The following TRDN variants were observed in gnomAD, a reference collection of about 807,000 sequenced individuals.
The protein encoded by TRDN is triadin in skeletal muscle.
TRDN carries 161 observed loss-of-function variants against 149.7 expected under a neutral mutation model. The ratio of observed to expected loss-of-function variants is 1.08; its 90% CI spans 0.95 to 1.23. The LOEUF (loss-of-function observed/expected upper bound fraction) is 1.23, where lower values mean the gene tolerates loss of function less well. Ranked by LOEUF, TRDN falls within the 50% of genes most tolerant of loss-of-function variation. The probability of loss-of-function intolerance (pLI) is 0.00; values close to 1 mark genes in which losing one functional copy is unlikely to be tolerated. For synonymous variants in TRDN, 294 were observed against 250.5 expected, an observed-to-expected ratio of 1.17 and a Z score of -1.64; for missense variants, 896 against 823.5, an observed-to-expected ratio of 1.09 and a Z score of -1.08.
At chr6:123,379,072 A>G (rs1781618399) in intron 16 of TRDN, among the ~76,000 whole-genome samples, 1 of 152,182 alleles carries the variant, frequency 6.6e-6, no homozygotes, top group African/African-American at 2.4e-5. Context: ...TAACATACCC[A>G]CATTTTTATC....
intron 24 of TRDN, among the ~76,000 whole-genome samples, chr6:123,300,840 C>A (rs1404299871): frequency 1.3e-5 from 2 of 151,816 alleles, no homozygotes; most frequent in Admixed American, 6.6e-5. Context: ...AGTTTGTGTC[C>A]AGAACCATTC....
intron 38 of TRDN, among the ~76,000 whole-genome samples, chr6:123,247,515 T>C (rs1417751973): frequency 6.6e-6 from 1 of 152,012 alleles, no homozygotes; most frequent in African/African-American, 2.4e-5. Flanking sequence ...ACAAAGAGAA[T>C]AAAATATCTA....
chr6:123,486,177 A>G (rs1777961268), intron 9 of TRDN, among the ~76,000 whole-genome samples: 1 of 152,010 alleles, frequency 6.6e-6, no homozygotes, highest in African/African-American at 2.4e-5. Context: ...TTTCTGAAAG[A>G]TTTTACTCTT....
chr6:123,415,791 A>C (rs1431503925), intron 12 of TRDN, among the ~76,000 whole-genome samples: 1 of 152,184 alleles, frequency 6.6e-6, no homozygotes. Flanking sequence ...ATTCCCTACT[A>C]TGTGAACTGC....
In TRDN at chr6:123,627,402, A is replaced by AT. The variant is rs1005586317; in HGVS notation, c.22+9351dup. On this transcript the variant is annotated intron_variant, in intron 1 of 40. Transcript: ENST00000334268. The stretch of plus-strand genomic sequence containing the variant: ...CAATAAGCAGAAATACTTTGGAAGA[A>AT]TTTTTTTTTTGAGTAGTAAATCTCA... Among the ~76,000 whole-genome samples the AT allele has an allele frequency of 3.2e-3, 490 of 151,166 alleles. 1 individual carries two copies. The highest frequency in any genetic ancestry group is 8.7e-3 in the African/African-American group (360 of 41,280).
In TRDN at chr6:123,218,615, G is replaced by A. The variant is rs1414689230; in HGVS notation, c.2176C>T (p.Gln726Ter). ...SGQANSPGQK[Q>*]QGQ is the part of the protein sequence containing the mutation. ...TACATGTGTGTTTACTGTCCTTGTT[G>A]CTTCTGTCCTGGAGAATTTGCTTGA... The change falls in exon 41 of 41, where the codon CAA becomes TAA. Residue 726 changes from glutamine to a stop codon, truncating the protein, a stop_gained. Transcript: ENST00000334268. LOFTEE classifies it high-confidence loss of function. 10 of 1,611,388 alleles carry A rather than the reference G, an allele frequency of 6.2e-6. No individual in the cohort carries two copies. Among genetic ancestry groups the A allele is most frequent in the Admixed American group, 3.3e-5 (2 of 59,716 alleles).
chr6:123,381,442 G>A lies in TRDN; in HGVS notation c.1166-52C>T, dbSNP rs34907562. On this transcript the variant is annotated intron_variant, in intron 15 of 40. Transcript: ENST00000334268. ...GCTCTTAAAACTTTAAAGATAAAAC[G>A]TACTACCCTACATATTGATTAGACT... 2.6e-3 allele frequency: 3,864 copies of A among 1,492,034 alleles called. 34 individuals carry two copies. The highest frequency in any genetic ancestry group is 2.1e-3 in the Non-Finnish European group (2,356 of 1,096,594). 92.4% of individuals were successfully genotyped at this position (1,492,034 alleles called of 1,614,324 possible).
At position 123,548,535 on chromosome 6, in the gene TRDN, A is replaced by T. The variant is rs566714157; in HGVS notation, c.310T>A (p.Tyr104Asn). The T allele has an allele frequency of 4.7e-5, 74 of 1,579,162 alleles. No homozygotes were observed. In the East Asian group the frequency reaches 1.7e-3, roughly 36 times the overall value. The stretch of plus-strand genomic sequence containing the variant: ...TCAGATAACAAAGAAAAGAAGCCAT[A>T]GATCCAGTCCGTGGTTTCCTCCATA... ...DAMEETTDWIYGFFSLLSDII... is the reference protein window; with the variant it reads ...DAMEETTDWINGFFSLLSDII... Residue 104 changes from tyrosine to asparagine, a missense_variant, in exon 3 of 41, where the codon TAT (tyrosine) becomes AAT (asparagine). Transcript: ENST00000334268.
intron 4 of TRDN, among the ~76,000 whole-genome samples, chr6:123,535,333 A>G (rs1337882275): frequency 2.6e-5 from 4 of 152,100 alleles, no homozygotes; most frequent in African/African-American, 4.8e-5. Flanking sequence ...GATTTAAGAG[A>G]AGGGCAAATT....
intron 10 of TRDN, among the ~76,000 whole-genome samples, chr6:123,449,832 C>T (rs1775654227): frequency 1.3e-5 from 2 of 152,074 alleles, no homozygotes; most frequent in Non-Finnish European, 1.5e-5. Context: ...ACCAGGTAAC[C>T]TCTAAAGGAA....
At chr6:123,316,426 C>G in intron 24 of TRDN, 31 bp downstream of exon 24, 1 of 1,599,882 alleles carries the variant, frequency 6.3e-7, no homozygotes, top group Non-Finnish European at 8.6e-7. Flanking sequence ...AGAACATCTC[C>G]TTGTATGTAA....
chr6:123,628,116 A>C (rs1328675997), intron 1 of TRDN, among the ~76,000 whole-genome samples: 1 of 152,150 alleles, frequency 6.6e-6, no homozygotes, highest in Non-Finnish European at 1.5e-5. Flanking sequence ...TTTCCTTTGC[A>C]TTCACAACTT....
chr6:123,317,495 AC>A (rs1435156560), intron 23 of TRDN, among the ~76,000 whole-genome samples: 1 of 151,930 alleles, frequency 6.6e-6, no homozygotes, highest in Non-Finnish European at 1.5e-5. Context: ...AATGTCATAG[AC>A]TTTTACACAC....
rs1304157111 is a variant in TRDN at position 123,272,985 on chromosome 6, T to C, written c.1651A>G (p.Thr551Ala). 3.9e-6 allele frequency: 6 copies of C among 1,530,094 alleles called. No homozygotes were observed. The highest frequency in any genetic ancestry group is 1.4e-5 in the African/African-American group (1 of 71,438). 94.8% of individuals were successfully genotyped at this position (1,530,094 alleles called of 1,614,324 possible). ...ATACCTGGTTTACCATGAGAAACAG[T>C]CTTTTCTGGTTTCACTATGTCTTGT... ...HKQDIVKPEK[T>A]VSHGKPEEKV... The change falls in exon 29 of 41, where the codon ACT (threonine) becomes GCT (alanine). Residue 551 changes from threonine (T) to alanine (A), a missense_variant. Transcript: ENST00000334268.
At chr6:123,337,372 C>G (rs924982626) in intron 22 of TRDN, among the ~76,000 whole-genome samples, 1 of 151,452 alleles carries the variant, frequency 6.6e-6, no homozygotes, top group Non-Finnish European at 1.5e-5. Flanking sequence ...TTAAAAAAAC[C>G]TTTTTTCATT....
At chr6:123,229,319 A>T (rs562774407) in intron 38 of TRDN, among the ~76,000 whole-genome samples, 1 of 152,010 alleles carries the variant, frequency 6.6e-6, no homozygotes, top group South Asian at 2.1e-4. Flanking sequence ...TTTATTAAAA[A>T]TCAATAAATT....
At chr6:123,588,132 T>C (rs2114609614) in intron 1 of TRDN, among the ~76,000 whole-genome samples, 1 of 152,272 alleles carries the variant, frequency 6.6e-6, no homozygotes, top group East Asian at 1.9e-4. Flanking sequence ...CTCTCCTGCA[T>C]CAGGACAAGA....
At chr6:123,518,227 T>A (rs1779507071) in intron 5 of TRDN, among the ~76,000 whole-genome samples, 1 of 152,172 alleles carries the variant, frequency 6.6e-6, no homozygotes, top group South Asian at 2.1e-4. Flanking sequence ...TTTTCCACAT[T>A]TAATGGTTCT....
At position 123,497,702 on chromosome 6, in the gene TRDN, A is replaced by G. The variant is rs182442149; in HGVS notation, c.794-450T>C. Among the ~76,000 whole-genome samples the G allele has an allele frequency of 3.9e-5, 6 of 152,250 alleles. 1 individual carries two copies. In the East Asian group the frequency reaches 1.2e-3, roughly 29 times the overall value. On this transcript the variant is annotated intron_variant, in intron 8 of 40. Coordinates refer to ENST00000334268, the MANE Select transcript of TRDN (RefSeq NM_006073.4). Reference sequence around the variant, plus strand: ...GCCCTTCTGCTAATTGTCTCTATGGAGCAGCAGAATGTCTTTTCCAAAAGA... The same window carrying G: ...GCCCTTCTGCTAATTGTCTCTATGGGGCAGCAGAATGTCTTTTCCAAAAGA...
Sources: gnomAD v4.1 joint callset for allele counts (sites outside exome capture counted in the v4.1 genomes callset) on GRCh38, gnomAD v4.1.1 for gene constraint, MANE v1.5 for transcripts, NCBI Gene and HGNC (gene_info 2026-07-23, HGNC 2026-07-21) for gene names.